The following HTR4 variants were observed in gnomAD, a reference collection of about 807,000 sequenced individuals.
HTR4 encodes the protein 5-hydroxytryptamine receptor 4.
HTR4 carries 16 observed loss-of-function variants against 36.8 expected under a neutral mutation model. The observed-to-expected ratio is 0.43, with a 90% CI of 0.29 to 0.66. HTR4 has a LOEUF of 0.66. HTR4 is among the 30% of genes least tolerant of loss of function. HTR4 has a pLI of 0.13. For synonymous variants in HTR4, 189 were observed against 185.1 expected (o/e 1.02, Z -0.17); for missense variants, 438 against 490.9 (o/e 0.89, Z 1.02).
intron 2 of HTR4, among the ~76,000 whole-genome samples, chr5:148,604,104 C>T (rs762330993): frequency 6.6e-6 from 1 of 151,992 alleles, no homozygotes; most frequent in South Asian, 2.1e-4. Flanking sequence ...TTTCTCTTCA[C>T]GACCTTGAGG....
chr5:148,476,347 C>T (rs1561566558), downstream of HTR4, among the ~76,000 whole-genome samples: 1 of 152,162 alleles, frequency 6.6e-6, no homozygotes, highest in Non-Finnish European at 1.5e-5. Context: ...AGCTTAAGCC[C>T]TTTTTCAATA....
In HTR4 at chr5:148,584,206, C is replaced by T. The variant is rs184446004; in HGVS notation, c.27-33944G>A. The stretch of plus-strand genomic sequence containing the variant: ...AGTGACATAAATAAGGTTAGCAAAA[C>T]CTTCTAAGAGATTTTAGACTTTATC... On this transcript the variant is annotated intron_variant, in intron 2 of 6. Coordinates refer to ENST00000377888, the MANE Select transcript of HTR4 (RefSeq NM_000870.7). 1.3e-3 allele frequency among the ~76,000 whole-genome samples: 194 copies of T among 152,212 alleles called. 1 individual carries two copies. Among genetic ancestry groups the T allele is most frequent in the African/African-American group, 3.6e-3 (149 of 41,534 alleles).
downstream of HTR4, among the ~76,000 whole-genome samples, chr5:148,475,629 A>G (rs193255857): frequency 3.2e-4 from 49 of 152,326 alleles, no homozygotes; most frequent in East Asian, 8.9e-3. Flanking sequence ...TTCTCAGATT[A>G]GACAACTGGC....
intron 6 of HTR4, among the ~76,000 whole-genome samples, chr5:148,505,776 G>A (rs866421086): frequency 6.6e-6 from 1 of 152,116 alleles, no homozygotes; most frequent in African/African-American, 2.4e-5. Context: ...AATCACAATT[G>A]CTTCAAAGAG....
chr5:148,453,564 G>A (rs868318904), intron 5 of HTR4, among the ~76,000 whole-genome samples: 10 of 152,182 alleles, frequency 6.6e-5, no homozygotes, highest in Non-Finnish European at 8.8e-5. Flanking sequence ...CAGATGCAAA[G>A]GTCCTGAGGT....
At chr5:148,495,535 G>A (rs1756647336) in intron 6 of HTR4, among the ~76,000 whole-genome samples, 1 of 152,126 alleles carries the variant, frequency 6.6e-6, no homozygotes, top group Non-Finnish European at 1.5e-5. Context: ...ACTAGGCTCT[G>A]AGGATACAAC....
chr5:148,617,203 G>T (rs772099627), intron 2 of HTR4, among the ~76,000 whole-genome samples: 2 of 152,102 alleles, frequency 1.3e-5, no homozygotes, highest in Non-Finnish European at 2.9e-5. Context: ...CACGAGATCT[G>T]GTTGTTTACA....
At chr5:148,640,822 G>C (rs1753708144) in intron 1 of HTR4, among the ~76,000 whole-genome samples, 1 of 152,172 alleles carries the variant, frequency 6.6e-6, no homozygotes, top group African/African-American at 2.4e-5. Context: ...CCTAAAGTTT[G>C]TATCATTAAA....
chr5:148,582,934 C>T (rs1412028194), intron 2 of HTR4, among the ~76,000 whole-genome samples: 4 of 151,944 alleles, frequency 2.6e-5, no homozygotes, highest in Non-Finnish European at 5.9e-5. Flanking sequence ...ATTTCCTTCT[C>T]CTGCCTAATT....
chr5:148,613,914 G>T (rs1406767143), intron 2 of HTR4, among the ~76,000 whole-genome samples: 1 of 152,112 alleles, frequency 6.6e-6, no homozygotes, highest in Non-Finnish European at 1.5e-5. Flanking sequence ...CAAACCATGA[G>T]TGAACTCCCA....
chr5:148,627,935 C>A (rs1009100567), intron 2 of HTR4, among the ~76,000 whole-genome samples: 7 of 152,124 alleles, frequency 4.6e-5, no homozygotes, highest in African/African-American at 1.4e-4. Flanking sequence ...GGTGGAAAGC[C>A]CTCCAGGGCC....
intron 2 of HTR4, among the ~76,000 whole-genome samples, chr5:148,570,597 A>G (rs1760634426): frequency 6.6e-6 from 1 of 152,124 alleles, no homozygotes; most frequent in Non-Finnish European, 1.5e-5. Flanking sequence ...GAAAGGAGAC[A>G]AAGATCACTG....
intron 6 of HTR4, chr5:148,490,662 T>A: frequency 8.5e-7 from 1 of 1,174,004 alleles, no homozygotes; most frequent in Non-Finnish European, 1.1e-6. Flanking sequence ...ATTCGGTCAA[T>A]CAACACTTTT....
intron 2 of HTR4, among the ~76,000 whole-genome samples, chr5:148,553,263 T>C (rs1481054552): frequency 6.6e-6 from 1 of 152,106 alleles, no homozygotes; most frequent in East Asian, 1.9e-4. Context: ...CTGTGGCGGA[T>C]TGCAGACTGG....
intron 3 of HTR4, 76 bp from the exon 4 acceptor site, chr5:148,548,944 G>GA (rs903035862): frequency 1.0e-6 from 1 of 983,450 alleles, no homozygotes; most frequent in South Asian, 1.4e-5. Context: ...GAGATCAAGA[G>GA]AAAAAACAGG....
At chr5:148,641,094 A>G (rs1401639966) in intron 1 of HTR4, among the ~76,000 whole-genome samples, 1 of 152,198 alleles carries the variant, frequency 6.6e-6, no homozygotes, top group African/African-American at 2.4e-5. Context: ...CAGAGCCATG[A>G]TTATAGGAAC....
chr5:148,521,714 G>A (rs1758029921), intron 5 of HTR4, among the ~76,000 whole-genome samples: 1 of 151,950 alleles, frequency 6.6e-6, no homozygotes, highest in South Asian at 2.1e-4. Context: ...AATAATGCCT[G>A]GCATATGTTG....
chr5:148,541,184 A>G (rs1316511546), intron 4 of HTR4, among the ~76,000 whole-genome samples: 1 of 152,190 alleles, frequency 6.6e-6, no homozygotes, highest in Non-Finnish European at 1.5e-5. Flanking sequence ...ACACTTGACA[A>G]CCAGTCAAGC....
At chr5:148,579,829 A>C (rs1481629262) in intron 2 of HTR4, among the ~76,000 whole-genome samples, 1 of 152,074 alleles carries the variant, frequency 6.6e-6, no homozygotes. Flanking sequence ...CACATATCAA[A>C]TCACTCTCAA....
Sources: allele counts gnomAD v4.1 joint callset (sites outside exome capture counted in the v4.1 genomes callset), GRCh38; gene constraint gnomAD v4.1.1; transcripts MANE v1.5; gene names NCBI Gene and HGNC (gene_info 2026-07-23, HGNC 2026-07-21).